The following RORB variants were observed in gnomAD, a reference collection of about 807,000 sequenced individuals.
RORB encodes nuclear receptor ROR-beta.
A neutral mutation model predicts 59.1 loss-of-function variants in RORB; 6 were observed. The observed-to-expected ratio is 0.10, with a 90% CI of 0.06 to 0.20. The LOEUF is 0.20. Among genes scored for constraint, RORB ranks in the 10% least tolerant of loss-of-function variants. The pLI, the probability that RORB is intolerant of heterozygous loss-of-function variation, is 1.00. For missense variants in RORB, 320 were observed against 560.5 expected (o/e 0.57, Z 4.33); for synonymous variants, 215 against 204.5 (o/e 1.05, Z -0.44).
chr9:74,625,559 A>G (rs1823497969), intron 1 of RORB, among the ~76,000 whole-genome samples: 1 of 152,204 alleles, frequency 6.6e-6, no homozygotes. Context: ...GGCTGCAGTG[A>G]GCTACAATAA....
intron 1 of RORB, among the ~76,000 whole-genome samples, chr9:74,619,593 A>G (rs1741091779): frequency 6.6e-6 from 1 of 152,120 alleles, no homozygotes; most frequent in Non-Finnish European, 1.5e-5. Flanking sequence ...CTGGGATTAC[A>G]GGTGTGCACC....
intron 1 of RORB, among the ~76,000 whole-genome samples, chr9:74,586,824 A>G (rs1822807920): frequency 6.6e-6 from 1 of 152,166 alleles, no homozygotes; most frequent in African/African-American, 2.4e-5. Context: ...GGTCAATGAG[A>G]TTGAAGAAAG....
In RORB at chr9:74,642,403, C is replaced by G. The variant is rs748861722; in HGVS notation, c.236-11C>G. On this transcript the variant is annotated splice_polypyrimidine_tract_variant and intron_variant, in intron 3 of 9. Coordinates refer to ENST00000376896, the MANE Select transcript of RORB (RefSeq NM_006914.4). Reference sequence around the variant, plus strand: ...CACAAGTGCTGTTTTCTGCTTTTCTCTCCAACCCAGCTGTGAAGTTTGGGA... The same window carrying G: ...CACAAGTGCTGTTTTCTGCTTTTCTGTCCAACCCAGCTGTGAAGTTTGGGA... The G allele has an allele frequency of 1.3e-6, 2 of 1,597,146 alleles. No individual in the cohort carries two copies. Among genetic ancestry groups the G allele is most frequent in the Non-Finnish European group, 1.7e-6 (2 of 1,171,070 alleles).
At chr9:74,508,771 ATG>A (rs1199381068) in intron 1 of RORB, among the ~76,000 whole-genome samples, 1 of 152,050 alleles carries the variant, frequency 6.6e-6, no homozygotes, top group African/African-American at 2.4e-5. Context: ...AATATTGATT[ATG>A]TCTCATTTTC....
intron 1 of RORB, among the ~76,000 whole-genome samples, chr9:74,556,907 T>C (rs1822302238): frequency 6.6e-6 from 1 of 152,174 alleles, no homozygotes; most frequent in African/African-American, 2.4e-5. Flanking sequence ...TCAAATGATG[T>C]GTTAATGTCA....
intron 9 of RORB, among the ~76,000 whole-genome samples, chr9:74,682,151 A>C (rs1824556872): frequency 2.0e-5 from 3 of 151,988 alleles, no homozygotes. Flanking sequence ...CACTGTAAAA[A>C]AATTTTTGTT....
At chr9:74,655,050 G>A (rs1350840098) in intron 4 of RORB, among the ~76,000 whole-genome samples, 4 of 152,104 alleles carry the variant, frequency 2.6e-5, no homozygotes, top group Non-Finnish European at 5.9e-5. Context: ...AGGAATGACT[G>A]GACAGACTGA....
At chr9:74,669,207 G>T (rs1485782703) in intron 8 of RORB, among the ~76,000 whole-genome samples, 1 of 152,194 alleles carries the variant, frequency 6.6e-6, no homozygotes, top group Non-Finnish European at 1.5e-5. Flanking sequence ...GGCCTGGCAT[G>T]GTGGCTCACG....
intron 1 of RORB, among the ~76,000 whole-genome samples, chr9:74,534,149 C>T (rs933272766): frequency 9.2e-5 from 14 of 152,042 alleles, no homozygotes; most frequent in South Asian, 4.1e-4. Context: ...GTTAAAATGG[C>T]GAGGTTCATA....
chr9:74,619,819 T>C (rs1457845269), intron 1 of RORB, among the ~76,000 whole-genome samples: 2 of 152,142 alleles, frequency 1.3e-5, no homozygotes, highest in African/African-American at 4.8e-5. Flanking sequence ...TTGTCTTTGG[T>C]TCTGTTTATA....
chr9:74,692,191 A>G lies in RORB; in HGVS notation c.*6573A>G, dbSNP rs1315251600. 1 of 152,168 alleles carries G rather than the reference A, an allele frequency of 6.6e-6. No homozygotes were observed. Among genetic ancestry groups the G allele is most frequent in the Non-Finnish European group, 1.5e-5 (1 of 68,028 alleles). 9.4% of individuals were successfully genotyped at this position (152,168 alleles called of 1,614,324 possible). Reference sequence around the variant, plus strand: ...GAACCTAGGGGAGGGTTGGGGAGAGACTGAGAGGGAGGAAAATCCAAGGTG... The same window carrying G: ...GAACCTAGGGGAGGGTTGGGGAGAGGCTGAGAGGGAGGAAAATCCAAGGTG... On this transcript the variant is annotated 3_prime_UTR_variant, in exon 10 of 10. Transcript: ENST00000376896.
intron 1 of RORB, among the ~76,000 whole-genome samples, chr9:74,599,311 C>T (rs1043243509): frequency 6.6e-6 from 1 of 151,200 alleles, no homozygotes; most frequent in African/African-American, 2.4e-5. Context: ...AGTCTTTCCA[C>T]CAGAAAAAAA....
chr9:74,660,516 T>C (rs964951448), intron 4 of RORB, 101 bp from the exon 5 acceptor site: 1 of 1,007,714 alleles, frequency 9.9e-7, no homozygotes, highest in Non-Finnish European at 1.4e-6. Flanking sequence ...TTTAATACAA[T>C]AGGAGTATCT....
intron 1 of RORB, among the ~76,000 whole-genome samples, chr9:74,608,841 A>G (rs973427437): frequency 1.3e-4 from 20 of 152,216 alleles, no homozygotes; most frequent in Non-Finnish European, 2.6e-4. Context: ...CAAACTGTAA[A>G]TAGATTAACC....
Position 74,497,640 on chromosome 9 carries a change from G to A in RORB, c.-337G>A. On this transcript the variant is annotated 5_prime_UTR_variant, in exon 1 of 10. Coordinates refer to ENST00000376896, the MANE Select transcript of RORB (RefSeq NM_006914.4). ...CGGAGGCGGTGGCATTTTTTAAAAA[G>A]CAAGCACATTGGAGAGAAAGAAAAA... is the stretch of plus-strand genomic sequence containing the variant. 5.2e-6 allele frequency: 2 copies of A among 384,748 alleles called. No homozygotes were observed. The highest frequency in any genetic ancestry group is 1.2e-4 in the South Asian group (2 of 16,988). 23.8% of individuals were successfully genotyped at this position (384,748 alleles called of 1,614,324 possible).
chr9:74,577,030 G>A (rs2118244273), intron 1 of RORB, among the ~76,000 whole-genome samples: 1 of 152,224 alleles, frequency 6.6e-6, no homozygotes, highest in East Asian at 1.9e-4. Context: ...TGCTCTAGAG[G>A]TTTCAAGTGT....
intron 1 of RORB, among the ~76,000 whole-genome samples, chr9:74,629,954 G>C (rs1013079132): frequency 3.9e-5 from 6 of 152,164 alleles, no homozygotes; most frequent in African/African-American, 1.4e-4. Context: ...AAAAGCCGTG[G>C]GTTCAAAGGC....
At chr9:74,605,508 T>C (rs554771613) in intron 1 of RORB, among the ~76,000 whole-genome samples, 1 of 152,286 alleles carries the variant, frequency 6.6e-6, no homozygotes, top group East Asian at 1.9e-4. Flanking sequence ...AGCAAGGAAG[T>C]GACCCGGTGT....
intron 1 of RORB, among the ~76,000 whole-genome samples, chr9:74,626,912 C>G (rs553744310): frequency 6.6e-6 from 1 of 152,236 alleles, no homozygotes; most frequent in East Asian, 1.9e-4. Flanking sequence ...ACCTGTAATC[C>G]CAGCACTTTG....
Sources: allele counts gnomAD v4.1 joint callset (sites outside exome capture counted in the v4.1 genomes callset), GRCh38; gene constraint gnomAD v4.1.1; transcripts MANE v1.5; gene names NCBI Gene and HGNC (gene_info 2026-07-23, HGNC 2026-07-21).